The following GRB14 variants were observed in gnomAD, a reference collection of about 807,000 sequenced individuals.
GRB14 encodes growth factor receptor bound protein 14.
A neutral mutation model predicts 69.1 loss-of-function variants in GRB14; 38 were observed. The ratio of observed to expected loss-of-function variants is 0.55; its 90% confidence interval spans 0.42 to 0.72. GRB14 has a LOEUF of 0.72. Among genes scored for constraint, GRB14 ranks in the 30% least tolerant of loss-of-function variants. The pLI is 0.00. For missense variants in GRB14, 666 were observed against 666.1 expected, an observed-to-expected ratio of 1.00 and a Z score of 0.00; for synonymous variants, 247 against 241.3, an observed-to-expected ratio of 1.02 and a Z score of -0.22.
intron 2 of GRB14, among the ~76,000 whole-genome samples, chr2:164,586,092 T>C (rs2105342138): frequency 6.6e-6 from 1 of 152,224 alleles, no homozygotes; most frequent in African/African-American, 2.4e-5. Context: ...GTTATAGAGA[T>C]TGGCAAAGGT....
At chr2:164,614,677 A>C (rs1041233608) in intron 2 of GRB14, among the ~76,000 whole-genome samples, 1 of 152,240 alleles carries the variant, frequency 6.6e-6, no homozygotes, top group African/African-American at 2.4e-5. Context: ...CAAAATCTTG[A>C]TAATTGCTGA....
chr2:164,540,447 A>C (rs746578322), intron 3 of GRB14, among the ~76,000 whole-genome samples: 11 of 151,992 alleles, frequency 7.2e-5, no homozygotes, highest in Non-Finnish European at 1.5e-4. Flanking sequence ...TGTCTCTACT[A>C]AAAATACAAA....
intron 3 of GRB14, among the ~76,000 whole-genome samples, chr2:164,537,665 C>G (rs1688112877): frequency 6.6e-6 from 1 of 152,154 alleles, no homozygotes; most frequent in Non-Finnish European, 1.5e-5. Context: ...GACCTGAATT[C>G]ATGTAGCCGA....
At chr2:164,617,559 C>T (rs928400740) in intron 2 of GRB14, among the ~76,000 whole-genome samples, 1 of 152,128 alleles carries the variant, frequency 6.6e-6, no homozygotes, top group Admixed American at 6.5e-5. Flanking sequence ...CCCATTCTTT[C>T]TCTTTTGTCC....
chr2:164,499,546 T>TA, intron 9 of GRB14, among the ~76,000 whole-genome samples: 1 of 152,282 alleles, frequency 6.6e-6, no homozygotes, highest in Non-Finnish European at 1.5e-5. Context: ...GAATTGGTTA[T>TA]ATTTCTCCAA....
intron 2 of GRB14, among the ~76,000 whole-genome samples, chr2:164,616,441 A>G (rs1690299295): frequency 6.6e-6 from 1 of 151,606 alleles, no homozygotes. Flanking sequence ...AAAAAAAAAA[A>G]AAAAAAAAAG....
intron 3 of GRB14, among the ~76,000 whole-genome samples, chr2:164,531,794 A>G (rs761773872): frequency 8.6e-5 from 13 of 152,038 alleles, no homozygotes; most frequent in Non-Finnish European, 1.8e-4. Context: ...GAGTTGTAAG[A>G]CTCCGGATAG....
At chr2:164,560,045 A>T (rs1688780791) in intron 2 of GRB14, among the ~76,000 whole-genome samples, 1 of 152,158 alleles carries the variant, frequency 6.6e-6, no homozygotes, top group Non-Finnish European at 1.5e-5. Flanking sequence ...CATTTCACAA[A>T]TGAAAAAGCT....
At chr2:164,529,591 ACTC>A (rs1170263896) in intron 3 of GRB14, among the ~76,000 whole-genome samples, 1 of 151,988 alleles carries the variant, frequency 6.6e-6, no homozygotes, top group Non-Finnish European at 1.5e-5. Flanking sequence ...AATATCTTCT[ACTC>A]CTGAAATTCT....
At chr2:164,554,857 A>G (rs1438215586) in intron 2 of GRB14, among the ~76,000 whole-genome samples, 1 of 152,024 alleles carries the variant, frequency 6.6e-6, no homozygotes. Flanking sequence ...TAAAAAAACT[A>G]ACACAACCCA....
chr2:164,597,940 G>T (rs984226319), intron 2 of GRB14, among the ~76,000 whole-genome samples: 1 of 151,856 alleles, frequency 6.6e-6, no homozygotes, highest in East Asian at 1.9e-4. Flanking sequence ...TTAAAATAGG[G>T]AGCGGAGGGG....
At chr2:164,532,644 G>A (rs1405761170) in intron 3 of GRB14, among the ~76,000 whole-genome samples, 3 of 152,178 alleles carry the variant, frequency 2.0e-5, no homozygotes, top group African/African-American at 7.2e-5. Flanking sequence ...ATCATCACAA[G>A]CCAAGGAATG....
intron 2 of GRB14, among the ~76,000 whole-genome samples, chr2:164,594,236 C>T (rs10192405): frequency 0.013 from 1,942 of 152,248 alleles, 33 homozygotes; most frequent in African/African-American, 0.043. Flanking sequence ...AAAGGGTTAC[C>T]TCCTTTGGCA....
chr2:164,610,854 A>G (rs906958447), intron 2 of GRB14, among the ~76,000 whole-genome samples: 6 of 149,936 alleles, frequency 4.0e-5, no homozygotes, highest in African/African-American at 1.5e-4. Context: ...AAACTGAGAA[A>G]TGTGATGGGA....
At chr2:164,612,035 T>C (rs1424565990) in intron 2 of GRB14, among the ~76,000 whole-genome samples, 1 of 152,200 alleles carries the variant, frequency 6.6e-6, no homozygotes, top group East Asian at 1.9e-4. Flanking sequence ...AGCAATGGGC[T>C]GATATAACAC....
chr2:164,597,718 T>A (rs1689816924), intron 2 of GRB14, among the ~76,000 whole-genome samples: 2 of 143,718 alleles, frequency 1.4e-5, no homozygotes. Context: ...AAGAAAGGAG[T>A]GAGAGAGAGG....
chr2:164,526,004 C>T (rs1429011709), intron 4 of GRB14, among the ~76,000 whole-genome samples: 1 of 152,058 alleles, frequency 6.6e-6, no homozygotes, highest in African/African-American at 2.4e-5. Context: ...AAATAAAAAA[C>T]AAGCATTGAA....
At chr2:164,599,895 T>C (rs1356877204) in intron 2 of GRB14, among the ~76,000 whole-genome samples, 5 of 152,180 alleles carry the variant, frequency 3.3e-5, no homozygotes, top group Non-Finnish European at 4.4e-5. Context: ...ATAGAAGAGA[T>C]GCTACTTAGA....
At chr2:164,498,986 C>T (rs1162262718) in intron 9 of GRB14, among the ~76,000 whole-genome samples, 3 of 152,086 alleles carry the variant, frequency 2.0e-5, no homozygotes, top group East Asian at 3.9e-4. Flanking sequence ...TGCTGTCACA[C>T]CTTAGTTTGC....
Sources: allele counts gnomAD v4.1 joint callset (sites outside exome capture counted in the v4.1 genomes callset), GRCh38; gene constraint gnomAD v4.1.1; transcripts MANE v1.5; gene names NCBI Gene and HGNC (gene_info 2026-07-23, HGNC 2026-07-21).